The following SLC9A9 variants were observed in gnomAD, a reference collection of about 807,000 sequenced individuals.
The protein encoded by SLC9A9 is solute carrier family 9 member A9.
In SLC9A9, 62 loss-of-function variants were observed where a neutral mutation model predicts 77.8. The observed-to-expected ratio is 0.80, with a 90% CI of 0.65 to 0.98. The LOEUF (loss-of-function observed/expected upper bound fraction) is 0.98, where lower values mean the gene tolerates loss of function less well. Ranked by LOEUF, SLC9A9 falls within the 50% of genes least tolerant of loss-of-function variation. The probability of loss-of-function intolerance (pLI) is 0.00; values close to 1 mark genes in which losing one functional copy is unlikely to be tolerated. For missense variants in SLC9A9, 775 were observed against 774.9 expected, an observed-to-expected ratio of 1.00 and a Z score of 0.00; for synonymous variants, 320 against 283.5, an observed-to-expected ratio of 1.13 and a Z score of -1.29.
chr3:143,641,431 G>A lies in SLC9A9; in HGVS notation c.755+10824C>T, dbSNP rs909530337. On this transcript the variant is annotated intron_variant, in intron 6 of 15. Coordinates refer to ENST00000316549, the MANE Select transcript of SLC9A9 (RefSeq NM_173653.4). ...TTTTGAGACAGAGTCTTGCTCTGTT[G>A]CCTAGGCAACAGAGTGCAGTGGCGC... Among the ~76,000 whole-genome samples, 18 of 103,862 alleles carry A rather than the reference G, an allele frequency of 1.7e-4. 1 individual carries two copies. The highest frequency in any genetic ancestry group is 1.0e-3 in the South Asian group (3 of 2,872). The allele number at this position is 103,862 out of a possible 152,430, so 68.1% of individuals were successfully genotyped here.
At chr3:143,289,373 TC>T (rs982438984) in intron 14 of SLC9A9, among the ~76,000 whole-genome samples, 2 of 152,170 alleles carry the variant, frequency 1.3e-5, no homozygotes, top group Non-Finnish European at 2.9e-5. Context: ...TTTTTAAATG[TC>T]CCTTTGTCTT....
chr3:143,830,621 G>A (rs1406690091), intron 2 of SLC9A9, among the ~76,000 whole-genome samples: 1 of 152,180 alleles, frequency 6.6e-6, no homozygotes, highest in Non-Finnish European at 1.5e-5. Flanking sequence ...AAGAAATAGT[G>A]CTGTATAGAA....
chr3:143,271,007 C>T (rs942988877), intron 14 of SLC9A9, among the ~76,000 whole-genome samples: 3 of 152,222 alleles, frequency 2.0e-5, no homozygotes, highest in African/African-American at 7.2e-5. Flanking sequence ...ATATCTCGCA[C>T]TGTCCATTCC....
At chr3:143,762,831 A>G (rs963524461) in intron 4 of SLC9A9, among the ~76,000 whole-genome samples, 7 of 152,042 alleles carry the variant, frequency 4.6e-5, no homozygotes, top group African/African-American at 1.4e-4. Context: ...TTTACATCCT[A>G]CCCCTTTGAG....
chr3:143,823,926 T>C (rs2108883098), intron 2 of SLC9A9, among the ~76,000 whole-genome samples: 1 of 152,300 alleles, frequency 6.6e-6, no homozygotes, highest in East Asian at 1.9e-4. Context: ...TAGTTTGATA[T>C]CTGCTTTATA....
At chr3:143,835,305 T>C (rs1212578442) in intron 1 of SLC9A9, among the ~76,000 whole-genome samples, 2 of 152,198 alleles carry the variant, frequency 1.3e-5, no homozygotes, top group Non-Finnish European at 2.9e-5. Flanking sequence ...CAGCCCTCCT[T>C]TTCCCCAAAC....
intron 8 of SLC9A9, among the ~76,000 whole-genome samples, chr3:143,572,495 G>T (rs1028302608): frequency 5.9e-5 from 9 of 152,154 alleles, no homozygotes; most frequent in Non-Finnish European, 1.3e-4. Context: ...GGGAACTAAT[G>T]TTTTTTGAAT....
intron 6 of SLC9A9, among the ~76,000 whole-genome samples, chr3:143,636,803 T>C (rs970531360): frequency 1.3e-5 from 2 of 152,176 alleles, no homozygotes; most frequent in Non-Finnish European, 2.9e-5. Flanking sequence ...CCTGACAACA[T>C]GCAGAGTACA....
intron 4 of SLC9A9, among the ~76,000 whole-genome samples, chr3:143,761,826 C>A (rs2007133982): frequency 6.6e-6 from 1 of 152,212 alleles, no homozygotes; most frequent in South Asian, 2.1e-4. Flanking sequence ...TTTGATCCAG[C>A]CATCCCATTG....
chr3:143,626,318 T>G (rs2038325896), intron 6 of SLC9A9, among the ~76,000 whole-genome samples: 1 of 152,216 alleles, frequency 6.6e-6, no homozygotes, highest in Non-Finnish European at 1.5e-5. Flanking sequence ...CATGCACACG[T>G]ATGTTTATTG....
At chr3:143,718,135 C>G (rs975459208) in intron 4 of SLC9A9, among the ~76,000 whole-genome samples, 16 of 150,292 alleles carry the variant, frequency 1.1e-4, no homozygotes, top group African/African-American at 3.6e-4. Context: ...CCATTTCATA[C>G]GAATTGGCAC....
intron 5 of SLC9A9, among the ~76,000 whole-genome samples, chr3:143,678,607 T>C (rs975884682): frequency 6.6e-6 from 1 of 152,200 alleles, no homozygotes; most frequent in Non-Finnish European, 1.5e-5. Context: ...CAATGAAATC[T>C]GTGTCTGGAT....
At chr3:143,301,751 A>G (rs928317004) in intron 14 of SLC9A9, among the ~76,000 whole-genome samples, 1 of 152,304 alleles carries the variant, frequency 6.6e-6, no homozygotes, top group Non-Finnish European at 1.5e-5. Context: ...TGTGAGAACC[A>G]CTGTCCTAGA....
At chr3:143,302,273 G>A (rs1468363038) in intron 14 of SLC9A9, among the ~76,000 whole-genome samples, 1 of 152,126 alleles carries the variant, frequency 6.6e-6, no homozygotes, top group Non-Finnish European at 1.5e-5. Context: ...CAGGCAATAG[G>A]CTTATACATC....
intron 2 of SLC9A9, among the ~76,000 whole-genome samples, chr3:143,818,897 C>T (rs899306904): frequency 7.2e-5 from 11 of 151,960 alleles, no homozygotes; most frequent in Non-Finnish European, 1.5e-4. Context: ...GCCTGACCAA[C>T]ATAGAGAAAC....
Position 143,265,786 on chromosome 3 carries a change from C to T in SLC9A9, c.*916G>A. ...GCCCTGCTCCTGCACTGCTCATCAG[C>T]TGTGAATGCTGGAATTGGAGGACAG... On this transcript the variant is annotated 3_prime_UTR_variant, in exon 16 of 16. Transcript: ENST00000316549. 1.8e-6 allele frequency: 1 copy of T among 562,186 alleles called. No homozygotes were observed. The highest frequency in any genetic ancestry group is 3.2e-6 in the Non-Finnish European group (1 of 317,130). 34.8% of individuals were successfully genotyped at this position (562,186 alleles called of 1,614,324 possible). A position where few individuals can be genotyped will look rare whatever the true frequency, so the allele number is the denominator to read the frequency against.
At chr3:143,574,291 G>T (rs2037319946) in intron 7 of SLC9A9, 98 bp from the exon 8 acceptor site, 1 of 995,202 alleles carries the variant, frequency 1.0e-6, no homozygotes, top group Non-Finnish European at 1.5e-6. Context: ...TAGCTCTAGA[G>T]CAAAGTAAAA....
intron 4 of SLC9A9, among the ~76,000 whole-genome samples, chr3:143,740,045 G>A (rs988627033): frequency 1.3e-5 from 2 of 152,136 alleles, no homozygotes; most frequent in African/African-American, 4.8e-5. Context: ...ATTGCCATCA[G>A]GACTGTGTTA....
At chr3:143,386,139 C>G (rs181267467) in intron 12 of SLC9A9, among the ~76,000 whole-genome samples, 86 of 152,304 alleles carry the variant, frequency 5.6e-4, no homozygotes, top group Admixed American at 1.5e-3. Flanking sequence ...CTAGAAGTTA[C>G]TGAGACTTGG....
Sources: gnomAD v4.1 joint callset for allele counts (sites outside exome capture counted in the v4.1 genomes callset) on GRCh38, gnomAD v4.1.1 for gene constraint, MANE v1.5 for transcripts, NCBI Gene and HGNC (gene_info 2026-07-23, HGNC 2026-07-21) for gene names.